Variants in SCN2A observed in about 807,000 individuals in gnomAD.
SCN2A encodes sodium channel protein type 2 subunit alpha.
A neutral mutation model predicts 188.7 loss-of-function variants in SCN2A; 20 were observed. That is an observed-to-expected ratio of 0.11 (90% CI 0.07 to 0.15). SCN2A has a LOEUF of 0.15. Among genes scored for constraint, SCN2A ranks in the 10% least tolerant of loss-of-function variants. The probability of loss-of-function intolerance (pLI) is 1.00; values close to 1 mark genes in which losing one functional copy is unlikely to be tolerated. For synonymous variants in SCN2A, 804 were observed against 833.1 expected, an observed-to-expected ratio of 0.97 and a Z score of 0.60; for missense variants, 1,278 against 2,445.0, an observed-to-expected ratio of 0.52 and a Z score of 10.07.
chr2:165,367,685 G>A (rs1009042479), intron 19 of SCN2A, among the ~76,000 whole-genome samples: 1 of 152,200 alleles, frequency 6.6e-6, no homozygotes, highest in African/African-American at 2.4e-5. Flanking sequence ...AGGATTATCA[G>A]CTAAATATCA....
intron 11 of SCN2A, among the ~76,000 whole-genome samples, chr2:165,317,372 G>A: frequency 6.6e-6 from 1 of 151,466 alleles, no homozygotes; most frequent in Non-Finnish European, 1.5e-5. Context: ...GGGAGGGAGG[G>A]GGGAGAGAGA....
chr2:165,359,208 G>T lies in SCN2A; in HGVS notation c.3399+4537G>T, dbSNP rs527835764. On this transcript the variant is annotated intron_variant, in intron 17 of 26. Transcript: ENST00000375437. ...GAATGGGATGTAAAATGGGATCCAA[G>T]ATGCGTAATTGTTTACAGTTAAACA... 9.9e-5 allele frequency among the ~76,000 whole-genome samples: 15 copies of T among 152,210 alleles called. No individual in the cohort carries two copies. The South Asian group carries it at 1.7e-3, about 17-fold the overall frequency.
At chr2:165,314,802 G>A (rs1046951589) in intron 10 of SCN2A, among the ~76,000 whole-genome samples, 2 of 152,094 alleles carry the variant, frequency 1.3e-5, no homozygotes, top group African/African-American at 4.8e-5. Context: ...GTCTTTTCAT[G>A]TATGGTGAAT....
chr2:165,271,193 G>C (rs1346472141), intron 1 of SCN2A: 1 of 152,002 alleles, frequency 6.6e-6, no homozygotes, highest in Non-Finnish European at 1.5e-5. Context: ...AAATTTCTCT[G>C]TATTTATTTT....
chr2:165,330,720 G>C (rs1698627854), intron 13 of SCN2A, among the ~76,000 whole-genome samples: 1 of 152,072 alleles, frequency 6.6e-6, no homozygotes, highest in Non-Finnish European at 1.5e-5. Flanking sequence ...GAGGACTCCA[G>C]TTCCTTAGGC....
Position 165,344,450 on chromosome 2 carries a change from A to G in SCN2A, c.2563-105A>G, listed in dbSNP as rs188078595. The G allele has an allele frequency of 2.2e-3, 1,575 of 711,494 alleles. 7 individuals carry two copies. The highest frequency in any genetic ancestry group is 0.013 in the Middle Eastern group (26 of 1,992). 44.1% of individuals were successfully genotyped at this position (711,494 alleles called of 1,614,324 possible). On this transcript the variant is annotated intron_variant, in intron 15 of 26. Coordinates refer to ENST00000375437, the MANE Select transcript of SCN2A (RefSeq NM_001040142.2). Reference sequence around the variant, plus strand: ...ACCCTAAAACTTAAAGTATAATAATAATAAAATAAAATAAAAATAAAAAAT... The same window carrying G: ...ACCCTAAAACTTAAAGTATAATAATGATAAAATAAAATAAAAATAAAAAAT...
At chr2:165,302,115 A>T (rs1696847617) in intron 3 of SCN2A, among the ~76,000 whole-genome samples, 1 of 152,200 alleles carries the variant, frequency 6.6e-6, no homozygotes, top group Non-Finnish European at 1.5e-5. Flanking sequence ...GTCCATACTG[A>T]GATATAAAAT....
At chr2:165,310,226 G>T in intron 6 of SCN2A, 97 bp from the exon 7 acceptor site, 1 of 1,295,054 alleles carries the variant, frequency 7.7e-7, no homozygotes, top group South Asian at 1.2e-5. Flanking sequence ...CATTCTGCAT[G>T]ACATTTTTAT....
chr2:165,340,873 G>T (rs965305605), intron 14 of SCN2A, among the ~76,000 whole-genome samples: 14 of 152,108 alleles, frequency 9.2e-5, no homozygotes, highest in African/African-American at 3.1e-4. Context: ...AAAAAATTTC[G>T]TTTGGATTTA....
chr2:165,350,352 G>T (rs1431505019), intron 16 of SCN2A, among the ~76,000 whole-genome samples: 1 of 151,666 alleles, frequency 6.6e-6, no homozygotes, highest in Non-Finnish European at 1.5e-5. Flanking sequence ...TCCATTCCAA[G>T]AGGCTAATTT....
intron 1 of SCN2A, chr2:165,272,764 T>TCACACACACA (rs71912251): frequency 4.4e-4 from 65 of 148,432 alleles, no homozygotes; most frequent in African/African-American, 1.5e-3. Context: ...AAGAGGGAAA[T>TCACACACACA]CACACACACA....
chr2:165,251,627 C>T (rs972658408), intron 1 of SCN2A, among the ~76,000 whole-genome samples: 26 of 151,990 alleles, frequency 1.7e-4, no homozygotes, highest in African/African-American at 6.0e-4. Context: ...CCAAGTGGCC[C>T]CTACTCCCTC....
At chr2:165,276,819 G>T (rs1301258547) in intron 1 of SCN2A, among the ~76,000 whole-genome samples, 1 of 152,168 alleles carries the variant, frequency 6.6e-6, no homozygotes, top group Non-Finnish European at 1.5e-5. Context: ...AACATGTTCT[G>T]TGACCACCTT....
chr2:165,261,783 A>T (rs1256297563), intron 1 of SCN2A, among the ~76,000 whole-genome samples: 3 of 152,008 alleles, frequency 2.0e-5, no homozygotes, highest in Non-Finnish European at 4.4e-5. Flanking sequence ...TTAGATGGTT[A>T]AAAAAAAGGA....
chr2:165,373,187 T>C, intron 20 of SCN2A, 38 bp from the exon 21 acceptor site: 1 of 1,608,216 alleles, frequency 6.2e-7, no homozygotes, highest in Admixed American at 1.7e-5. Flanking sequence ...GACATTTTTA[T>C]ATGTAAATAA....
At position 165,332,695 on chromosome 2, in the gene SCN2A, T is replaced by TA. The variant is rs577138354; in HGVS notation, c.2388+1135dup. Among the ~76,000 whole-genome samples the TA allele has an allele frequency of 2.2e-3, 340 of 151,792 alleles. 1 individual carries two copies. The highest frequency in any genetic ancestry group is 8.0e-3 in the Admixed American group (121 of 15,202). On this transcript the variant is annotated intron_variant, in intron 14 of 26. Coordinates refer to ENST00000375437, the MANE Select transcript of SCN2A (RefSeq NM_001040142.2). ...GTAAGAATTTCTTCAACATTATTTCTAAAAAAAAGCAGGGTGGTGGGGTGG... is the reference window on the plus strand; with the variant it reads ...GTAAGAATTTCTTCAACATTATTTCTAAAAAAAAAGCAGGGTGGTGGGGTGG...
chr2:165,375,014 C>G, intron 22 of SCN2A, 48 bp downstream of exon 22: 4 of 1,545,256 alleles, frequency 2.6e-6, no homozygotes, highest in Non-Finnish European at 2.7e-6. Context: ...TAAAATGAGT[C>G]TAAAGTTTTT....
chr2:165,308,700 C>T lies in SCN2A; in HGVS notation c.511C>T (p.Leu171Phe), dbSNP rs1297617362. 6.2e-7 allele frequency: 1 copy of T among 1,612,232 alleles called. No homozygotes were observed. The highest frequency in any genetic ancestry group is 8.5e-7 in the Non-Finnish European group (1 of 1,178,612). Residue 171 changes from leucine (L) to phenylalanine (F), a missense_variant, in exon 5 of 27, where the codon CTT (leucine) becomes TTT (phenylalanine). Leu to Phe is a conservative substitution (Grantham distance 22). Coordinates refer to ENST00000375437, the MANE Select transcript of SCN2A (RefSeq NM_001040142.2). ...TFTGIYTFES[L>F]IKILARGFCL... The stretch of plus-strand genomic sequence containing the variant: ...TACAGGAATTTATACTTTTGAATCA[C>T]TTATTAAAATACTTGCAAGGGGCTT...
intron 16 of SCN2A, among the ~76,000 whole-genome samples, chr2:165,349,353 A>C (rs1699766639): frequency 6.6e-6 from 1 of 152,230 alleles, no homozygotes; most frequent in African/African-American, 2.4e-5. Context: ...TCAAAGCTAC[A>C]GATGATTTTT....
Sources: gnomAD v4.1 joint callset for allele counts (sites outside exome capture counted in the v4.1 genomes callset) on GRCh38, gnomAD v4.1.1 for gene constraint, MANE v1.5 for transcripts, NCBI Gene and HGNC (gene_info 2026-07-23, HGNC 2026-07-21) for gene names.